ASIC2: variants seen among roughly 807,000 people sequenced by gnomAD.
ASIC2 encodes the protein acid sensing ion channel subunit 2, also known as acid-sensing ion channel 2.
A neutral mutation model predicts 57.3 loss-of-function variants in ASIC2; 25 were observed. That is an observed-to-expected ratio of 0.44 (90% CI 0.32 to 0.61). The LOEUF (loss-of-function observed/expected upper bound fraction) is 0.61. ASIC2 is among the 20% of genes least tolerant of loss of function. The pLI, the probability that ASIC2 is intolerant of heterozygous loss-of-function variation, is 0.06. For missense variants in ASIC2, 641 were observed against 738.1 expected (o/e 0.87, Z 1.52); for synonymous variants, 319 against 307.5 (o/e 1.04, Z -0.39).
chr17:33,022,311 C>A (rs72817064), intron 6 of ASIC2, among the ~76,000 whole-genome samples: 1 of 152,328 alleles, frequency 6.6e-6, no homozygotes, highest in Non-Finnish European at 1.5e-5. Context: ...CAGTTCCACT[C>A]CCCAGTCACA....
chr17:33,056,822 C>T (rs1249302438), intron 3 of ASIC2, among the ~76,000 whole-genome samples: 1 of 152,212 alleles, frequency 6.6e-6, no homozygotes, highest in Admixed American at 6.5e-5. Flanking sequence ...CTTCTCCAGC[C>T]ACCCAGGGTT....
intron 1 of ASIC2, among the ~76,000 whole-genome samples, chr17:33,963,913 A>T (rs1400416173): frequency 6.6e-6 from 1 of 152,212 alleles, no homozygotes; most frequent in Non-Finnish European, 1.5e-5. Context: ...ATTTGGCATT[A>T]GGAAATCTGG....
intron 1 of ASIC2, among the ~76,000 whole-genome samples, chr17:33,926,105 G>C (rs555495031): frequency 1.4e-3 from 218 of 152,292 alleles, no homozygotes; most frequent in African/African-American, 5.0e-3. Context: ...TCTTGAACTC[G>C]GTTAGGTGGT....
chr17:33,887,103 T>A (rs1396835888), intron 1 of ASIC2, among the ~76,000 whole-genome samples: 3 of 152,220 alleles, frequency 2.0e-5, no homozygotes, highest in African/African-American at 7.2e-5. Context: ...CTGTTCCTAG[T>A]ACCCATGTGG....
intron 1 of ASIC2, among the ~76,000 whole-genome samples, chr17:33,584,876 G>A (rs918057232): frequency 1.3e-5 from 2 of 152,122 alleles, no homozygotes; most frequent in Non-Finnish European, 2.9e-5. Flanking sequence ...GACACCGATG[G>A]CCTAAAGACA....
At chr17:33,462,108 A>G (rs1912657057) in intron 1 of ASIC2, among the ~76,000 whole-genome samples, 1 of 152,196 alleles carries the variant, frequency 6.6e-6, no homozygotes, top group Admixed American at 6.5e-5. Context: ...TCACAGAAGC[A>G]GAGAAGAGGG....
intron 1 of ASIC2, among the ~76,000 whole-genome samples, chr17:33,996,694 T>C (rs1201710798): frequency 6.6e-6 from 1 of 152,242 alleles, no homozygotes; most frequent in Non-Finnish European, 1.5e-5. Context: ...TTGTGCTTTC[T>C]ATTCTGTTAC....
intron 1 of ASIC2, among the ~76,000 whole-genome samples, chr17:33,759,455 T>C (rs1443513265): frequency 2.6e-5 from 4 of 152,296 alleles, no homozygotes; most frequent in South Asian, 2.1e-4. Flanking sequence ...ATAAAAAGTA[T>C]GTTCAGAAGA....
At chr17:33,813,580 G>C (rs1043202062) in intron 1 of ASIC2, among the ~76,000 whole-genome samples, 1 of 152,128 alleles carries the variant, frequency 6.6e-6, no homozygotes, top group African/African-American at 2.4e-5. Context: ...GGGACTACAG[G>C]CGCCCGCCAC....
At chr17:33,643,039 T>C (rs1029655432) in intron 1 of ASIC2, among the ~76,000 whole-genome samples, 11 of 152,208 alleles carry the variant, frequency 7.2e-5, no homozygotes, top group African/African-American at 2.7e-4. Flanking sequence ...CTTCAAAGAA[T>C]GGAGGTTTTC....
At chr17:34,027,660 A>G (rs988766920) in intron 1 of ASIC2, among the ~76,000 whole-genome samples, 2 of 150,378 alleles carry the variant, frequency 1.3e-5, no homozygotes, top group African/African-American at 5.0e-5. Context: ...GGGATGACAG[A>G]AAAAGTGTAG....
At chr17:33,746,369 T>C (rs1021550622) in intron 1 of ASIC2, among the ~76,000 whole-genome samples, 1 of 148,978 alleles carries the variant, frequency 6.7e-6, no homozygotes, top group South Asian at 2.1e-4. Context: ...TATATGTAGA[T>C]ATACATGTAT....
intron 1 of ASIC2, among the ~76,000 whole-genome samples, chr17:33,645,522 A>G (rs754885983): frequency 6.6e-6 from 1 of 152,124 alleles, no homozygotes; most frequent in Non-Finnish European, 1.5e-5. Flanking sequence ...AAAGCAGAAA[A>G]TCTTATTTTC....
In ASIC2 at chr17:33,597,161, C is replaced by A. The variant is rs141206590; in HGVS notation, c.556-485094G>T. On this transcript the variant is annotated intron_variant, in intron 1 of 9. Transcript: ENST00000359872. ...TCATTCCCATCAACCCAGCGGACAC[C>A]TGTTGACTGTTCCCAGAAAACCACT... Among the ~76,000 whole-genome samples, 31 of 152,368 alleles carry A rather than the reference C, an allele frequency of 2.0e-4. No homozygotes were observed. In the South Asian group the frequency reaches 3.5e-3, roughly 17 times the overall value.
chr17:34,071,456 CG>C (rs1467856676), intron 1 of ASIC2: 1 of 151,960 alleles, frequency 6.6e-6, no homozygotes, highest in Non-Finnish European at 1.5e-5. Flanking sequence ...CCTTCCCTAC[CG>C]ATGATCAGAG....
intron 1 of ASIC2, among the ~76,000 whole-genome samples, chr17:33,194,294 C>T (rs1348775835): frequency 6.6e-6 from 1 of 152,224 alleles, no homozygotes; most frequent in Non-Finnish European, 1.5e-5. Flanking sequence ...TGCTGATCTC[C>T]ACATTCAAAA....
At position 33,476,774 on chromosome 17, in the gene ASIC2, C is replaced by T. The variant is rs775270720; in HGVS notation, c.556-364707G>A. Among the ~76,000 whole-genome samples the T allele has an allele frequency of 5.3e-5, 8 of 151,896 alleles. No homozygotes were observed. In the South Asian group the frequency reaches 6.2e-4, roughly 12 times the overall value. On this transcript the variant is annotated intron_variant, in intron 1 of 9. Coordinates refer to the ASIC2 transcript ENST00000359872. The stretch of plus-strand genomic sequence containing the variant: ...CTGGCAGACCAATCTAATTTTCTCC[C>T]GAAGGACTGTGCACAGAAACTGTGC...
intron 1 of ASIC2, among the ~76,000 whole-genome samples, chr17:33,394,246 T>C (rs1909997225): frequency 6.6e-6 from 1 of 152,220 alleles, no homozygotes. Flanking sequence ...GGAAGCCTGC[T>C]CCTAGCATCT....
At chr17:33,943,427 T>G (rs1359810516) in intron 1 of ASIC2, among the ~76,000 whole-genome samples, 1 of 152,200 alleles carries the variant, frequency 6.6e-6, no homozygotes. Context: ...GACATTTGCA[T>G]GGCACTTTAT....
Sources: allele counts gnomAD v4.1 joint callset (sites outside exome capture counted in the v4.1 genomes callset), GRCh38; gene constraint gnomAD v4.1.1; transcripts MANE v1.5; gene names NCBI Gene and HGNC (gene_info 2026-07-23, HGNC 2026-07-21).